The following MANSC1 variants were observed in gnomAD, a reference collection of about 807,000 sequenced individuals.
MANSC1 encodes the protein MANSC domain containing 1, also known as MANSC domain-containing protein 1.
A neutral mutation model predicts 14.1 loss-of-function variants in MANSC1; 13 were observed. That is an observed-to-expected ratio of 0.92 (90% CI 0.60 to 1.46). The LOEUF (loss-of-function observed/expected upper bound fraction) is 1.46, where lower values mean the gene tolerates loss of function less well. Among genes scored for constraint, MANSC1 ranks in the 40% most tolerant of loss-of-function variants. The probability of loss-of-function intolerance (pLI) is 0.00; values close to 1 mark genes in which losing one functional copy is unlikely to be tolerated. For missense variants in MANSC1, 486 were observed against 511.4 expected (o/e 0.95, Z 0.48); for synonymous variants, 227 against 200.7 (o/e 1.13, Z -1.11).
In MANSC1 at chr12:12,338,471, C is replaced by T. The variant is rs374905258; in HGVS notation, c.313G>A (p.Ala105Thr). ...CYLFFCPNEE[A>T]CPLKPAKGLM... ...CCTTTTGCTGGTTTCAATGGACAGG[C>T]TTCCTCGTTGGGACAGAAAAATAGG... is the stretch of plus-strand genomic sequence containing the variant. The change falls in exon 3 of 4, where the codon GCC becomes ACC. Residue 105 changes from alanine (A) to threonine (T), a missense_variant. By Grantham distance (58) the Ala-to-Thr change is moderately conservative. Coordinates refer to ENST00000535902, the MANE Select transcript of MANSC1 (RefSeq NM_018050.4). 1.3e-4 allele frequency: 202 copies of T among 1,613,134 alleles called. 1 individual carries two copies. The South Asian group carries it at 1.3e-3, about 10-fold the overall frequency.
rs765948278 is a variant in MANSC1, at chr12:12,330,416, G to A, written c.907C>T (p.Leu303=). The A allele has an allele frequency of 2.2e-5, 36 of 1,614,246 alleles. No homozygotes were observed. The highest frequency in any genetic ancestry group is 2.8e-5 in the Non-Finnish European group (33 of 1,180,050). ...TLQAMATTAV[L]TTTFQAPTDS... The stretch of plus-strand genomic sequence containing the variant: ...GTAGGTGCCTGAAAGGTGGTAGTCA[G>A]AACTGCTGTTGTAGCCATTGCTTGG... Residue 303 remains leucine, a synonymous_variant, in exon 4 of 4, where the codon CTG becomes TTG. Transcript: ENST00000535902.
intron 2 of MANSC1, among the ~76,000 whole-genome samples, chr12:12,340,971 G>C (rs1255997619): frequency 6.6e-6 from 1 of 152,118 alleles, no homozygotes; most frequent in South Asian, 2.1e-4. Flanking sequence ...CAAGTATACG[G>C]TGTCTTCTCC....
chr12:12,337,363 C>G (rs1359320011), intron 3 of MANSC1, among the ~76,000 whole-genome samples: 2 of 152,134 alleles, frequency 1.3e-5, no homozygotes, highest in Non-Finnish European at 2.9e-5. Flanking sequence ...TGAGACCATC[C>G]TGGCTAACAC....
intron 3 of MANSC1, among the ~76,000 whole-genome samples, chr12:12,333,686 C>G (rs947359931): frequency 6.6e-6 from 1 of 152,202 alleles, no homozygotes; most frequent in Non-Finnish European, 1.5e-5. Flanking sequence ...GCCCTTAACT[C>G]CTCTTTGGAG....
rs1862960629 is a variant in MANSC1 at position 12,343,174 on chromosome 12, C to T, written c.141G>A (p.Lys47=). 2 of 1,613,864 alleles carry T rather than the reference C, an allele frequency of 1.2e-6. No individual in the cohort carries two copies. Among genetic ancestry groups the T allele is most frequent in the Admixed American group, 1.7e-5 (1 of 60,004 alleles). The stretch of plus-strand genomic sequence containing the variant: ...ATACGGGCTCATTGCCTCTGATTCC[C>T]TTAGAAAGAGATGACTGGATGTCAA... The part of the protein sequence containing the change: ...VVIDIQSSLS[K]GIRGNEPVYT... Residue 47 remains lysine, a synonymous_variant, in exon 2 of 4, where the codon AAG becomes AAA. Transcript: ENST00000535902.
chr12:12,336,093 G>A (rs764081846), intron 3 of MANSC1, among the ~76,000 whole-genome samples: 6 of 152,048 alleles, frequency 3.9e-5, no homozygotes, highest in Non-Finnish European at 4.4e-5. Context: ...AGCTGAGATC[G>A]CGCCACTGCA....
intron 1 of MANSC1, 121 bp from the exon 2 acceptor site, chr12:12,343,535 C>A (rs921656649): frequency 1.6e-5 from 8 of 514,268 alleles, no homozygotes; most frequent in African/African-American, 1.3e-4. Flanking sequence ...AGAAAAGATA[C>A]ACGTATTTTT....
In MANSC1 at chr12:12,330,324, C is replaced by G. The variant is rs1402342235; in HGVS notation, c.999G>C (p.Gly333=). The G allele has an allele frequency of 6.2e-7, 1 of 1,614,214 alleles. No homozygotes were observed. The highest frequency in any genetic ancestry group is 1.1e-5 in the South Asian group (1 of 91,082). Residue 333 remains glycine, a synonymous_variant, in exon 4 of 4, where the codon GGG becomes GGC. Coordinates refer to ENST00000535902, the MANE Select transcript of MANSC1 (RefSeq NM_018050.4). ...TEISNLTLNT[G]NVYNPTALSM... ...AAAGTGCAGTAGGGTTATACACATTCCCTGTGTTCAAAGTTAGGTTGGAGA... is the reference window on the plus strand; with the variant it reads ...AAAGTGCAGTAGGGTTATACACATTGCCTGTGTTCAAAGTTAGGTTGGAGA...
chr12:12,336,995 G>T (rs2135991794), intron 3 of MANSC1, among the ~76,000 whole-genome samples: 1 of 152,334 alleles, frequency 6.6e-6, no homozygotes, highest in East Asian at 1.9e-4. Context: ...TTGAAGCTGG[G>T]TGTAGTGGCT....
chr12:12,343,265 C>T lies in MANSC1; in HGVS notation c.50G>A (p.Cys17Tyr), dbSNP rs1166966732. ...GSLTYTLVII[C>Y]FLTLRLSASQ... ...AGCAGACAGCCTTAGTGTCAGGAAG[C>T]AAATTATTACCAAAGTGTAAGTCAA... Residue 17 changes from cysteine (C) to tyrosine (Y), a missense_variant, in exon 2 of 4, where the codon TGC becomes TAC. Coordinates refer to ENST00000535902, the MANE Select transcript of MANSC1 (RefSeq NM_018050.4). 6.2e-7 allele frequency: 1 copy of T among 1,613,972 alleles called. No homozygotes were observed. Among genetic ancestry groups the T allele is most frequent in the Non-Finnish European group, 8.5e-7 (1 of 1,179,992 alleles).
At chr12:12,337,381 C>T (rs994148575) in intron 3 of MANSC1, among the ~76,000 whole-genome samples, 1 of 152,146 alleles carries the variant, frequency 6.6e-6, no homozygotes, top group Non-Finnish European at 1.5e-5. Flanking sequence ...CACGGTGAAA[C>T]CCCATCTCTA....
chr12:12,332,786 G>T (rs753110570), intron 3 of MANSC1, among the ~76,000 whole-genome samples: 5 of 152,138 alleles, frequency 3.3e-5, no homozygotes, highest in East Asian at 1.9e-4. Context: ...CTCCCAAAGT[G>T]CTGGGATTAT....
In MANSC1 at chr12:12,347,354, G is replaced by T. The variant is rs997785719; in HGVS notation, c.-101+2724C>A. Among the ~76,000 whole-genome samples, 2 of 152,144 alleles carry T rather than the reference G, an allele frequency of 1.3e-5. 1 individual carries two copies. Among genetic ancestry groups the T allele is most frequent in the South Asian group, 4.1e-4 (2 of 4,822 alleles). On this transcript the variant is annotated intron_variant, in intron 1 of 3. Coordinates refer to ENST00000535902, the MANE Select transcript of MANSC1 (RefSeq NM_018050.4). The stretch of plus-strand genomic sequence containing the variant: ...CACAACAGGGTTCGTGCGCCGATGA[G>T]AATCTACGGCCACCACTGATCTGAC...
rs1200214552 is a variant in MANSC1, at chr12:12,343,370, T to C, written c.-56A>G. 8.4e-6 allele frequency: 11 copies of C among 1,309,206 alleles called. No individual in the cohort carries two copies. Among genetic ancestry groups the C allele is most frequent in the Non-Finnish European group, 1.2e-5 (11 of 914,510 alleles). 81.1% of individuals were successfully genotyped at this position (1,309,206 alleles called of 1,614,324 possible). On this transcript the variant is annotated 5_prime_UTR_variant, in exon 2 of 4. Transcript: ENST00000535902. ...AGGTCAAGGATAATCCTCCCTCTGG[T>C]CTTAGTTTGCTTTAAGAAGGCTGCA...
Position 12,330,523 on chromosome 12 carries a change from G to C in MANSC1, c.800C>G (p.Thr267Arg), listed in dbSNP as rs1303357119. 6.2e-7 allele frequency: 1 copy of C among 1,614,214 alleles called. No individual in the cohort carries two copies. The highest frequency in any genetic ancestry group is 8.5e-7 in the Non-Finnish European group (1 of 1,180,044). The change falls in exon 4 of 4, where the codon ACA (threonine) becomes AGA (arginine). Residue 267 changes from threonine (T) to arginine (R), a missense_variant. Thr to Arg is a moderately conservative substitution (Grantham distance 71). Coordinates refer to ENST00000535902, the MANE Select transcript of MANSC1 (RefSeq NM_018050.4). The part of the protein sequence containing the change: ...SGTSQPQLAT[T>R]APPVTTVTSQ... ...AGTGACAGTGGTTACAGGTGGAGCTGTGGTGGCCAGCTGTGGCTGGGAAGT... is the reference window on the plus strand; with the variant it reads ...AGTGACAGTGGTTACAGGTGGAGCTCTGGTGGCCAGCTGTGGCTGGGAAGT...
At chr12:12,348,728 A>AC (rs535598670) in intron 1 of MANSC1, among the ~76,000 whole-genome samples, 8 of 151,796 alleles carry the variant, frequency 5.3e-5, no homozygotes, top group East Asian at 1.9e-4. Context: ...AAAAAAAAAA[A>AC]AAAACCCAGA....
intron 1 of MANSC1, among the ~76,000 whole-genome samples, chr12:12,344,914 CCCATAT>C (rs1288362845): frequency 1.0e-4 from 5 of 49,342 alleles, no homozygotes; most frequent in African/African-American, 3.8e-4. Flanking sequence ...TTAATAAACT[CCCATAT>C]ATATATATAT....
At chr12:12,346,712 C>A (rs1863014095) in intron 1 of MANSC1, among the ~76,000 whole-genome samples, 1 of 152,166 alleles carries the variant, frequency 6.6e-6, no homozygotes, top group African/African-American at 2.4e-5. Flanking sequence ...ACACCTTTCA[C>A]AAAATTTAGC....
intron 1 of MANSC1, among the ~76,000 whole-genome samples, chr12:12,347,380 A>G (rs2135999556): frequency 6.6e-6 from 1 of 152,306 alleles, no homozygotes; most frequent in East Asian, 1.9e-4. Context: ...CTGATCTGAC[A>G]GGAGGTGGAG....
Sources: gnomAD v4.1 joint callset for allele counts (sites outside exome capture counted in the v4.1 genomes callset) on GRCh38, gnomAD v4.1.1 for gene constraint, MANE v1.5 for transcripts, NCBI Gene and HGNC (gene_info 2026-07-23, HGNC 2026-07-21) for gene names.